SIL1: variants seen among roughly 807,000 people sequenced by gnomAD.
The protein encoded by SIL1 is SIL1 nucleotide exchange factor, also known as nucleotide exchange factor SIL1.
A neutral mutation model predicts 49.1 loss-of-function variants in SIL1; 40 were observed. That is an observed-to-expected ratio of 0.81 (90% CI 0.63 to 1.06). The LOEUF (loss-of-function observed/expected upper bound fraction) is 1.06, where lower values mean the gene tolerates loss of function less well. SIL1 is among the 50% of genes least tolerant of loss of function. The pLI is 0.00. For synonymous variants in SIL1, 253 were observed against 250.8 expected, an observed-to-expected ratio of 1.01 and a Z score of -0.08; for missense variants, 500 against 572.6, an observed-to-expected ratio of 0.87 and a Z score of 1.29.
At chr5:139,108,949 C>G (rs774606068) in intron 3 of SIL1, among the ~76,000 whole-genome samples, 1 of 151,688 alleles carries the variant, frequency 6.6e-6, no homozygotes, top group African/African-American at 2.4e-5. Flanking sequence ...CACTTTAGAA[C>G]CAAGACTTTC....
chr5:139,128,290 A>G (rs1288175467), intron 1 of SIL1, among the ~76,000 whole-genome samples: 1 of 152,206 alleles, frequency 6.6e-6, no homozygotes, highest in Non-Finnish European at 1.5e-5. Flanking sequence ...GATGGCATCA[A>G]TATCCTCTAA....
At chr5:138,974,241 C>T (rs1041010906) in intron 7 of SIL1, among the ~76,000 whole-genome samples, 2 of 152,138 alleles carry the variant, frequency 1.3e-5, no homozygotes, top group Non-Finnish European at 2.9e-5. Flanking sequence ...CCTTTATAAA[C>T]CGTTCCTCTT....
At chr5:139,135,479 T>C (rs757986532) in intron 1 of SIL1, among the ~76,000 whole-genome samples, 1 of 152,086 alleles carries the variant, frequency 6.6e-6, no homozygotes, top group Non-Finnish European at 1.5e-5. Flanking sequence ...ACAGTGGCAG[T>C]ACAGATGTTA....
intron 1 of SIL1, among the ~76,000 whole-genome samples, chr5:139,154,302 T>C (rs181962489): frequency 5.9e-5 from 9 of 152,236 alleles, no homozygotes; most frequent in Non-Finnish European, 1.2e-4. Context: ...CAGATCCAAG[T>C]GCTAGGGCAT....
Position 138,947,192 on chromosome 5 carries a change from C to A in SIL1, c.1311G>T (p.Leu437=). ...AEYQVLASLE[L]QDGEDEGYFQ... ...AGTAGCCCTCGTCCTCACCATCCTG[C>A]AGCTCCAGGCTGGCCAGCACCTGGT... The change falls in exon 10 of 10, where the codon CTG becomes CTT. Residue 437 remains leucine (L), a synonymous_variant. Coordinates refer to ENST00000394817, the MANE Select transcript of SIL1 (RefSeq NM_022464.5). The surrounding 1 kb of genome is among the most constrained non-coding windows in gnomAD (Gnocchi z 4.1). The A allele has an allele frequency of 6.2e-7, 1 of 1,613,586 alleles. No individual in the cohort carries two copies. Among genetic ancestry groups the A allele is most frequent in the Non-Finnish European group, 8.5e-7 (1 of 1,179,930 alleles).
intron 5 of SIL1, among the ~76,000 whole-genome samples, chr5:139,041,259 C>T (rs548995900): frequency 1.9e-4 from 29 of 152,246 alleles, no homozygotes; most frequent in Non-Finnish European, 3.8e-4. Context: ...ACCACATACA[C>T]TCTCCGTGTA....
intron 1 of SIL1, among the ~76,000 whole-genome samples, chr5:139,178,361 A>G (rs374437168): frequency 6.6e-6 from 1 of 152,178 alleles, no homozygotes; most frequent in African/African-American, 2.4e-5. Context: ...GCTCATTTGC[A>G]AATCCAAAAC....
intron 5 of SIL1, chr5:139,032,753 A>G (rs577129330): frequency 1.3e-5 from 2 of 152,182 alleles, no homozygotes; most frequent in East Asian, 3.9e-4. Context: ...TTATAGGACT[A>G]CTCGTATTAT....
chr5:139,168,038 T>C (rs1195324683), intron 1 of SIL1, among the ~76,000 whole-genome samples: 1 of 152,180 alleles, frequency 6.6e-6, no homozygotes, highest in East Asian at 1.9e-4. Flanking sequence ...TGTTTAGAAA[T>C]GTTTAGGTAC....
intron 3 of SIL1, among the ~76,000 whole-genome samples, chr5:139,095,834 T>TA (rs879743692): frequency 4.3e-3 from 609 of 142,064 alleles, no homozygotes; most frequent in Middle Eastern, 0.029. Flanking sequence ...TGTCAAAATT[T>TA]AAAAAAAAAA....
chr5:139,170,812 G>A (rs1382532560), intron 1 of SIL1, among the ~76,000 whole-genome samples: 5 of 150,736 alleles, frequency 3.3e-5, no homozygotes, highest in Non-Finnish European at 5.9e-5. Flanking sequence ...CGCCCCGTCC[G>A]GGAGGGAGGT....
intron 3 of SIL1, among the ~76,000 whole-genome samples, chr5:139,068,003 T>C (rs1193522130): frequency 6.6e-6 from 1 of 152,224 alleles, no homozygotes; most frequent in African/African-American, 2.4e-5. Context: ...ATGGAATATA[T>C]TAGTCTTCAA....
chr5:139,177,341 G>T (rs13167529), intron 1 of SIL1, among the ~76,000 whole-genome samples: 54,530 of 151,856 alleles, frequency 0.36, 12,076 homozygotes, highest in South Asian at 0.52. Context: ...CTGCTTTCAA[G>T]CGATTCTGCT....
chr5:138,976,384 C>A (rs921011747), intron 7 of SIL1, among the ~76,000 whole-genome samples: 5 of 150,034 alleles, frequency 3.3e-5, no homozygotes, highest in Non-Finnish European at 7.4e-5. Flanking sequence ...ACGATCTCAG[C>A]TTACTGCAAC....
intron 1 of SIL1, among the ~76,000 whole-genome samples, chr5:139,139,095 A>C (rs1751031943): frequency 6.6e-6 from 1 of 152,242 alleles, no homozygotes; most frequent in South Asian, 2.1e-4. Flanking sequence ...GAGTAGGAAC[A>C]GCCGGGGCAA....
At chr5:139,046,615 G>T (rs1408528782) in intron 4 of SIL1, among the ~76,000 whole-genome samples, 2 of 152,182 alleles carry the variant, frequency 1.3e-5, no homozygotes, top group African/African-American at 4.8e-5. Context: ...TACATAAAGA[G>T]TTAATTATTC....
At chr5:139,038,353 A>C (rs1484980882) in intron 5 of SIL1, among the ~76,000 whole-genome samples, 2 of 152,182 alleles carry the variant, frequency 1.3e-5, no homozygotes, top group African/African-American at 4.8e-5. Flanking sequence ...CATCCTATTT[A>C]GGCTTAGTAT....
chr5:139,042,468 G>T (rs1264429148), intron 5 of SIL1, 152 bp downstream of exon 5: 2 of 755,346 alleles, frequency 2.6e-6, no homozygotes, highest in Non-Finnish European at 2.3e-6. Flanking sequence ...GTCTAAAAGG[G>T]TTTCTTATTT....
chr5:139,056,715 G>A (rs1330636831), intron 3 of SIL1, among the ~76,000 whole-genome samples: 9 of 146,542 alleles, frequency 6.1e-5, no homozygotes, highest in Non-Finnish European at 1.1e-4. Context: ...CCCCCCGCCC[G>A]GCCAGCCGCC....
Sources: gnomAD v4.1 joint callset for allele counts (sites outside exome capture counted in the v4.1 genomes callset) on GRCh38, gnomAD v4.1.1 for gene constraint, Gnocchi (gnomAD v3.1) non-coding constraint, MANE v1.5 for transcripts, NCBI Gene and HGNC (gene_info 2026-07-23, HGNC 2026-07-21) for gene names.